The following PRR16 variants were observed in gnomAD, a reference collection of about 807,000 sequenced individuals.
PRR16 encodes protein Largen.
In PRR16, 6 loss-of-function variants were observed where a neutral mutation model predicts 18.2. The ratio of observed to expected loss-of-function variants is 0.33; its 90% CI spans 0.18 to 0.65. The LOEUF is 0.65. PRR16 is among the 30% of genes least tolerant of loss of function. The pLI is 0.74. For synonymous variants in PRR16, 151 were observed against 147.8 expected, an observed-to-expected ratio of 1.02 and a Z score of -0.16; for missense variants, 412 against 376.6, an observed-to-expected ratio of 1.09 and a Z score of -0.78.
chr5:120,480,471 A>G (rs1749575580), intron 1 of PRR16, among the ~76,000 whole-genome samples: 1 of 152,154 alleles, frequency 6.6e-6, no homozygotes, highest in African/African-American at 2.4e-5. Context: ...ATCCAAGACA[A>G]TTTTTGCTCA....
At chr5:120,633,286 G>T (rs927711937) in intron 1 of PRR16, among the ~76,000 whole-genome samples, 3 of 152,136 alleles carry the variant, frequency 2.0e-5, no homozygotes, top group East Asian at 3.9e-4. Context: ...AATCTCACAG[G>T]ACCTATGTAA....
chr5:120,712,698 A>G, the PRR16 span, among the ~76,000 whole-genome samples: 1 of 152,304 alleles, frequency 6.6e-6, no homozygotes, highest in African/African-American at 2.4e-5. Flanking sequence ...AATGAAAAAC[A>G]GATATATGAA....
chr5:120,539,127 A>G (rs1259728954), intron 1 of PRR16, among the ~76,000 whole-genome samples: 1 of 152,166 alleles, frequency 6.6e-6, no homozygotes, highest in Non-Finnish European at 1.5e-5. Context: ...CGCCATTTCT[A>G]CACCATAAAG....
chr5:120,571,623 G>T (rs1361796502), intron 1 of PRR16, among the ~76,000 whole-genome samples: 1 of 152,072 alleles, frequency 6.6e-6, no homozygotes, highest in Admixed American at 6.6e-5. Flanking sequence ...GAATGAAGGA[G>T]ATCAGAGATT....
chr5:120,521,406 G>A (rs1561528925), intron 1 of PRR16, among the ~76,000 whole-genome samples: 1 of 151,934 alleles, frequency 6.6e-6, no homozygotes, highest in Non-Finnish European at 1.5e-5. Flanking sequence ...GTTCTAATGG[G>A]ATATGTGTAC....
chr5:120,488,642 A>G lies in PRR16; in HGVS notation c.159+23997A>G, dbSNP rs577960246. On this transcript the variant is annotated intron_variant, in intron 1 of 1. Transcript: ENST00000407149. ...TTTTTGAAGGGTTTTTTGTGTCTCTATTTCCTTCAGTTCTGCTCTGATTTT... is the reference window on the plus strand; with the variant it reads ...TTTTTGAAGGGTTTTTTGTGTCTCTGTTTCCTTCAGTTCTGCTCTGATTTT... Among the ~76,000 whole-genome samples, 241 of 151,720 alleles carry G rather than the reference A, an allele frequency of 1.6e-3. 2 individuals carry two copies. The highest frequency in any genetic ancestry group is 5.5e-3 in the African/African-American group (227 of 41,402).
intron 1 of PRR16, among the ~76,000 whole-genome samples, chr5:120,521,106 G>A (rs1200572733): frequency 1.3e-5 from 2 of 152,132 alleles, no homozygotes; most frequent in African/African-American, 4.8e-5. Flanking sequence ...CTTTAGAAAT[G>A]TCTGATTTGA....
rs760178514 is a variant in PRR16, at chr5:120,686,728, T to A, written c.*19T>A. 4 of 1,442,844 alleles carry A rather than the reference T, an allele frequency of 2.8e-6. No individual in the cohort carries two copies. The highest frequency in any genetic ancestry group is 1.8e-6 in the Non-Finnish European group (2 of 1,092,482). 89.4% of individuals were successfully genotyped at this position (1,442,844 alleles called of 1,614,324 possible). Reference sequence around the variant, plus strand: ...CGTGTGATGTATGCCATTAAAAAAATTGTTTTTTTAATTTTCTATATTATA... The same window carrying A: ...CGTGTGATGTATGCCATTAAAAAAAATGTTTTTTTAATTTTCTATATTATA... On this transcript the variant is annotated 3_prime_UTR_variant, in exon 2 of 2. Transcript: ENST00000407149.
At chr5:120,761,808 T>A in the PRR16 span, among the ~76,000 whole-genome samples, 2 of 152,100 alleles carry the variant, frequency 1.3e-5, no homozygotes, top group Admixed American at 1.3e-4. Flanking sequence ...AACATTGGAA[T>A]TTATTCGTTC....
At chr5:120,780,578 TATA>T in the PRR16 span, among the ~76,000 whole-genome samples, 17 of 152,320 alleles carry the variant, frequency 1.1e-4, no homozygotes, top group Middle Eastern at 3.4e-3. Context: ...CTAAAATGTA[TATA>T]ATAATATTAC....
At chr5:120,597,260 T>C (rs766818852) in intron 1 of PRR16, among the ~76,000 whole-genome samples, 11 of 151,622 alleles carry the variant, frequency 7.3e-5, no homozygotes, top group Non-Finnish European at 1.5e-4. Context: ...TTAATATTGT[T>C]AATATTATAT....
At chr5:120,628,524 C>T (rs976136825) in intron 1 of PRR16, among the ~76,000 whole-genome samples, 7 of 151,828 alleles carry the variant, frequency 4.6e-5, no homozygotes, top group South Asian at 2.1e-4. Context: ...TTCTCCCATA[C>T]GGTGATAAAG....
At chr5:120,632,071 A>T (rs1010135889) in intron 1 of PRR16, among the ~76,000 whole-genome samples, 1 of 152,180 alleles carries the variant, frequency 6.6e-6, no homozygotes, top group Non-Finnish European at 1.5e-5. Context: ...CTCTGTGCAG[A>T]TACTCCCCAG....
At chr5:120,647,172 G>A (rs1025877773) in intron 1 of PRR16, among the ~76,000 whole-genome samples, 1 of 151,812 alleles carries the variant, frequency 6.6e-6, no homozygotes, top group Admixed American at 6.6e-5. Flanking sequence ...ACGTTATGGC[G>A]GGAGAAGTAT....
At chr5:120,706,907 C>T in the PRR16 span, among the ~76,000 whole-genome samples, 1 of 152,140 alleles carries the variant, frequency 6.6e-6, no homozygotes, top group African/African-American at 2.4e-5. Context: ...CTAATTACCA[C>T]TTATCAAAGT....
chr5:120,516,245 G>A (rs1046694970), intron 1 of PRR16, among the ~76,000 whole-genome samples: 8 of 151,994 alleles, frequency 5.3e-5, no homozygotes, highest in African/African-American at 1.7e-4. Context: ...CCAACATGGC[G>A]AAACGCCATC....
chr5:120,650,123 C>A (rs1755726777), intron 1 of PRR16, among the ~76,000 whole-genome samples: 1 of 151,280 alleles, frequency 6.6e-6, no homozygotes, highest in African/African-American at 2.4e-5. Flanking sequence ...GAGGCTGAGG[C>A]AGGAGAATTG....
At chr5:120,608,079 T>C (rs866937806) in intron 1 of PRR16, among the ~76,000 whole-genome samples, 1 of 152,164 alleles carries the variant, frequency 6.6e-6, no homozygotes, top group South Asian at 2.1e-4. Context: ...TTCAGCATCT[T>C]AAGGTCACAG....
chr5:120,638,146 C>T lies in PRR16; in HGVS notation c.160-47808C>T, dbSNP rs552418779. ...TAATAGTTTTGTTCATGAAACAAAG[C>T]TTGGGCTGCGTTTTCACTGTGACCT... On this transcript the variant is annotated intron_variant, in intron 1 of 1. Transcript: ENST00000407149. Among the ~76,000 whole-genome samples the T allele has an allele frequency of 2.0e-5, 3 of 152,130 alleles. No individual in the cohort carries two copies. The South Asian group carries it at 6.2e-4, about 32-fold the overall frequency.
Sources: allele counts gnomAD v4.1 joint callset (sites outside exome capture counted in the v4.1 genomes callset), GRCh38; gene constraint gnomAD v4.1.1; transcripts MANE v1.5; gene names NCBI Gene and HGNC (gene_info 2026-07-23, HGNC 2026-07-21).